The following PTPRJ variants were observed in gnomAD, a reference collection of about 807,000 sequenced individuals.
PTPRJ encodes receptor-type tyrosine-protein phosphatase eta.
PTPRJ carries 129 observed loss-of-function variants against 141.3 expected under a neutral mutation model. The observed-to-expected ratio is 0.91, with a 90% CI of 0.79 to 1.06. The LOEUF (loss-of-function observed/expected upper bound fraction) is 1.06. Ranked by LOEUF, PTPRJ falls within the 50% of genes least tolerant of loss-of-function variation. The pLI, the probability that PTPRJ is intolerant of heterozygous loss-of-function variation, is 0.00. For synonymous variants in PTPRJ, 610 were observed against 640.5 expected, an observed-to-expected ratio of 0.95 and a Z score of 0.72; for missense variants, 1,601 against 1,679.7, an observed-to-expected ratio of 0.95 and a Z score of 0.82.
At chr11:48,001,349 AGTGTGTGT>A (rs57503257) in intron 1 of PTPRJ, among the ~76,000 whole-genome samples, 5,287 of 134,736 alleles carry the variant, frequency 0.039, 294 homozygotes, top group African/African-American at 0.14. Context: ...ACAGCCCCAA[AGTGTGTGT>A]GTGTGTGTGT....
At chr11:48,111,280 C>CAAAAAAAAA (rs10554961) in intron 2 of PTPRJ, among the ~76,000 whole-genome samples, 6 of 67,240 alleles carry the variant, frequency 8.9e-5, no homozygotes, top group East Asian at 4.4e-4. Context: ...AACTCCATCT[C>CAAAAAAAAA]AAAAAAAAAA....
In PTPRJ at chr11:48,121,322, C is replaced by G; in HGVS notation, c.616+56C>G. 2.6e-6 allele frequency: 4 copies of G among 1,564,850 alleles called. No homozygotes were observed. The South Asian group carries it at 3.5e-5, about 14-fold the overall frequency. ...AAACCATTTCTTATTATGGTGTATT[C>G]TAGGGCCTTGTCCGTTCAAGTTGCC... On this transcript the variant is annotated intron_variant, in intron 4 of 24. Transcript: ENST00000418331.
At chr11:48,028,912 T>C (rs1435970677) in intron 1 of PTPRJ, among the ~76,000 whole-genome samples, 1 of 152,206 alleles carries the variant, frequency 6.6e-6, no homozygotes, top group Non-Finnish European at 1.5e-5. Context: ...AGAAAGAGGT[T>C]AAAGCTACAA....
intron 1 of PTPRJ, among the ~76,000 whole-genome samples, chr11:48,039,634 C>A (rs186383127): frequency 8.2e-4 from 125 of 152,158 alleles, no homozygotes; most frequent in African/African-American, 2.9e-3. Flanking sequence ...TGAATAACAT[C>A]ATTTCTTTTT....
chr11:48,040,023 A>G (rs756425997), intron 1 of PTPRJ, among the ~76,000 whole-genome samples: 21 of 152,202 alleles, frequency 1.4e-4, no homozygotes, highest in Non-Finnish European at 1.3e-4. Context: ...TCCTGACCTC[A>G]AGTGATCTGC....
rs1857966941 is a variant in PTPRJ at position 48,168,324 on chromosome 11, A to C, written c.*962A>C. Reference sequence around the variant, plus strand: ...GGATTATTTAAAGGTGCAATATGTGAATTAGTGATTCATGATGTTCTAGGT... The same window carrying C: ...GGATTATTTAAAGGTGCAATATGTGCATTAGTGATTCATGATGTTCTAGGT... On this transcript the variant is annotated 3_prime_UTR_variant, in exon 25 of 25. Transcript: ENST00000418331. 6.6e-6 allele frequency: 1 copy of C among 151,506 alleles called. No individual in the cohort carries two copies. The highest frequency in any genetic ancestry group is 2.1e-4 in the South Asian group (1 of 4,776). 9.4% of individuals were successfully genotyped at this position (151,506 alleles called of 1,614,324 possible). A position where few individuals can be genotyped will look rare whatever the true frequency, so the allele number is the denominator to read the frequency against.
At chr11:48,159,133 G>GTC (rs1565333277) in intron 21 of PTPRJ, among the ~76,000 whole-genome samples, 24 of 117,836 alleles carry the variant, frequency 2.0e-4, no homozygotes, top group East Asian at 5.7e-4. Context: ...GTGTGTGTGT[G>GTC]TGTGTGTGTG....
At chr11:48,159,161 G>GTGT (rs60389100) in intron 21 of PTPRJ, among the ~76,000 whole-genome samples, 2 of 130,508 alleles carry the variant, frequency 1.5e-5, no homozygotes, top group African/African-American at 5.9e-5. Flanking sequence ...GTGTGTGTGT[G>GTGT]GTCATTTGCC....
chr11:48,146,103 C>G (rs1857344620), intron 14 of PTPRJ, among the ~76,000 whole-genome samples: 1 of 152,190 alleles, frequency 6.6e-6, no homozygotes, highest in South Asian at 2.1e-4. Context: ...TTCCAAAGCT[C>G]TGGGGTTACA....
intron 1 of PTPRJ, among the ~76,000 whole-genome samples, chr11:48,028,025 G>T (rs1013445031): frequency 6.6e-6 from 1 of 152,044 alleles, no homozygotes; most frequent in East Asian, 1.9e-4. Flanking sequence ...GAAAGAAAAA[G>T]GCATCCAGTG....
rs202031651 is a variant in PTPRJ at position 48,063,946 on chromosome 11, T to G, written c.97-46112T>G. On this transcript the variant is annotated intron_variant, in intron 1 of 24. Transcript: ENST00000418331. Reference sequence around the variant, plus strand: ...TGTGTGTGTGTGTGTGTGTGTGTGTTTTTAAAAAGAGCTCATATTTTGGCT... The same window carrying G: ...TGTGTGTGTGTGTGTGTGTGTGTGTGTTTAAAAAGAGCTCATATTTTGGCT... 5.0e-3 allele frequency among the ~76,000 whole-genome samples: 708 copies of G among 141,174 alleles called. 5 individuals are homozygous for G. The highest frequency in any genetic ancestry group is 0.02 in the East Asian group (100 of 5,040). 92.6% of individuals were successfully genotyped at this position (141,174 alleles called of 152,430 possible).
chr11:48,130,001 G>A (rs1350703269), intron 7 of PTPRJ, among the ~76,000 whole-genome samples: 1 of 116,100 alleles, frequency 8.6e-6, no homozygotes, highest in Non-Finnish European at 2.1e-5. Flanking sequence ...TTTCCAACAG[G>A]TATGCACACA....
At position 48,087,719 on chromosome 11, in the gene PTPRJ, C is replaced by CTA. The variant is rs752255667; in HGVS notation, c.97-22338_97-22337dup. Among the ~76,000 whole-genome samples the CTA allele has an allele frequency of 2.0e-4, 31 of 152,324 alleles. No individual in the cohort carries two copies. In the East Asian group the frequency reaches 5.6e-3, roughly 28 times the overall value. On this transcript the variant is annotated intron_variant, in intron 1 of 24. Transcript: ENST00000418331. ...ATTTGAACACACCTGTGTTCAGATT[C>CTA]TACCTCTGTTACTTATGAGCTGATT...
chr11:48,036,594 GA>G (rs1261449190), intron 1 of PTPRJ, among the ~76,000 whole-genome samples: 3 of 152,096 alleles, frequency 2.0e-5, no homozygotes, highest in African/African-American at 7.2e-5. Context: ...ACCATTTTGG[GA>G]TGTTTAGGTC....
intron 1 of PTPRJ, among the ~76,000 whole-genome samples, chr11:48,007,665 GGGATTACA>G (rs1353675236): frequency 6.6e-6 from 1 of 152,202 alleles, no homozygotes; most frequent in Non-Finnish European, 1.5e-5. Context: ...CCAGAATGCT[GGGATTACA>G]GGTGTGAGCC....
At chr11:48,105,181 C>T (rs1856256669) in intron 1 of PTPRJ, among the ~76,000 whole-genome samples, 1 of 152,068 alleles carries the variant, frequency 6.6e-6, no homozygotes, top group Non-Finnish European at 1.5e-5. Flanking sequence ...CAAGCCTCTC[C>T]CTCCCCATCC....
intron 1 of PTPRJ, among the ~76,000 whole-genome samples, chr11:48,042,607 C>T (rs955577415): frequency 2.0e-5 from 3 of 152,164 alleles, no homozygotes; most frequent in South Asian, 4.1e-4. Flanking sequence ...TCCTCCCCTC[C>T]ACTCTTCTAA....
intron 10 of PTPRJ, among the ~76,000 whole-genome samples, chr11:48,138,275 C>G (rs1250942893): frequency 6.6e-6 from 1 of 152,198 alleles, no homozygotes; most frequent in Non-Finnish European, 1.5e-5. Flanking sequence ...GGTCTAGACA[C>G]CCATCTTTGA....
At chr11:48,058,702 G>C (rs1854828818) in intron 1 of PTPRJ, among the ~76,000 whole-genome samples, 1 of 151,562 alleles carries the variant, frequency 6.6e-6, no homozygotes, top group Non-Finnish European at 1.5e-5. Flanking sequence ...CCCCACTTCT[G>C]CCCTTGTCCC....
Sources: gnomAD v4.1 joint callset for allele counts (sites outside exome capture counted in the v4.1 genomes callset) on GRCh38, gnomAD v4.1.1 for gene constraint, MANE v1.5 for transcripts, NCBI Gene and HGNC (gene_info 2026-07-23, HGNC 2026-07-21) for gene names.